PLEKHG1: variants seen among roughly 807,000 people sequenced by gnomAD.
The protein encoded by PLEKHG1 is pleckstrin homology and RhoGEF domain containing G1, also known as pleckstrin homology domain-containing family G member 1.
In PLEKHG1, 44 loss-of-function variants were observed where a neutral mutation model predicts 100.8. That is an observed-to-expected ratio of 0.44 (90% CI 0.34 to 0.56). PLEKHG1 has a LOEUF of 0.56. PLEKHG1 is among the 20% of genes least tolerant of loss of function. PLEKHG1 has a pLI of 0.01. For synonymous variants in PLEKHG1, 640 were observed against 662.5 expected (o/e 0.97, Z 0.52); for missense variants, 1,545 against 1,720.9 (o/e 0.90, Z 1.81).
At chr6:150,768,058 T>A (rs1784530800) in intron 2 of PLEKHG1, among the ~76,000 whole-genome samples, 1 of 152,224 alleles carries the variant, frequency 6.6e-6, no homozygotes, top group Non-Finnish European at 1.5e-5. Context: ...GTTTGGGAGC[T>A]GTTTCTATGT....
At chr6:150,668,956 C>T (rs1277232992) in intron 3 of PLEKHG1, among the ~76,000 whole-genome samples, 2 of 152,196 alleles carry the variant, frequency 1.3e-5, no homozygotes, top group Non-Finnish European at 2.9e-5. Context: ...ATCTGGCCGT[C>T]ATCTTTGCAT....
At chr6:150,707,007 T>G (rs1376502991) in intron 3 of PLEKHG1, among the ~76,000 whole-genome samples, 3 of 133,348 alleles carry the variant, frequency 2.2e-5, no homozygotes, top group African/African-American at 8.2e-5. Flanking sequence ...TCTTTTTTTT[T>G]TTTTTTTTTT....
At chr6:150,725,210 C>T (rs1562464061) in intron 1 of PLEKHG1, among the ~76,000 whole-genome samples, 1 of 152,122 alleles carries the variant, frequency 6.6e-6, no homozygotes, top group Non-Finnish European at 1.5e-5. Flanking sequence ...AGCAAACAAG[C>T]TCCCTCTGTC....
chr6:150,615,580 A>G (rs4870536), intron 1 of PLEKHG1, among the ~76,000 whole-genome samples: 22,406 of 152,258 alleles, frequency 0.15, 1,719 homozygotes, highest in East Asian at 0.22. Flanking sequence ...TTAAATTCTC[A>G]TAACAGAAAA....
intron 2 of PLEKHG1, among the ~76,000 whole-genome samples, chr6:150,748,660 C>T (rs1369974822): frequency 7.0e-6 from 1 of 143,558 alleles, no homozygotes; most frequent in Non-Finnish European, 1.5e-5. Context: ...GCTCTGTCAC[C>T]TAGGCTGGAG....
chr6:150,775,382 G>C lies in PLEKHG1; in HGVS notation c.512+6644G>C, dbSNP rs140267221. On this transcript the variant is annotated intron_variant, in intron 3 of 15. Coordinates refer to ENST00000358517, the Ensembl canonical transcript of PLEKHG1. ...AATGTCTGATTTTAGACATTCAATT[G>C]TTTCTTAGGAGATTAAAATCATCTA... 3.0e-4 allele frequency among the ~76,000 whole-genome samples: 45 copies of C among 152,268 alleles called. No individual in the cohort carries two copies. The East Asian group carries it at 7.7e-3, about 26-fold the overall frequency.
intron 3 of PLEKHG1, among the ~76,000 whole-genome samples, chr6:150,706,574 A>G (rs901690628): frequency 6.6e-6 from 1 of 150,488 alleles, no homozygotes; most frequent in African/African-American, 2.4e-5. Context: ...TAATCATGCC[A>G]CTTTGCTCCA....
intron 3 of PLEKHG1, among the ~76,000 whole-genome samples, chr6:150,691,649 T>C (rs1289999102): frequency 6.6e-6 from 1 of 152,236 alleles, no homozygotes; most frequent in East Asian, 1.9e-4. Context: ...AGATTTTTTC[T>C]AAACCACCAT....
chr6:150,733,133 G>A (rs1782358608), intron 1 of PLEKHG1, among the ~76,000 whole-genome samples: 1 of 152,148 alleles, frequency 6.6e-6, no homozygotes, highest in Non-Finnish European at 1.5e-5. Context: ...TAGGAATCAC[G>A]TCGGGTCCCT....
In PLEKHG1 at chr6:150,619,530, GAATT is replaced by G. The variant is rs1476064121; in HGVS notation, c.-203-18545_-203-18542del. On this transcript the variant is annotated intron_variant, in intron 1 of 3. Coordinates refer to the PLEKHG1 transcript ENST00000367326. ...ATGTTTTTCTGACACAGTTTCATCTGAATTAATTGAGTGTTGACTGCTTTATTCC... is the reference window on the plus strand; with the variant it reads ...ATGTTTTTCTGACACAGTTTCATCTGAATTGAGTGTTGACTGCTTTATTCC... 2.0e-5 allele frequency among the ~76,000 whole-genome samples: 3 copies of G among 152,260 alleles called. No homozygotes were observed. In the East Asian group the frequency reaches 5.8e-4, roughly 29 times the overall value.
At chr6:150,677,283 T>TACGCACACACACACACACACAC (rs756621195) in intron 3 of PLEKHG1, among the ~76,000 whole-genome samples, 5 of 134,138 alleles carry the variant, frequency 3.7e-5, no homozygotes, top group African/African-American at 1.3e-4. Flanking sequence ...TTTCTTCCCC[T>TACGCACACACACACACACACAC]ATACACACAC....
exon 16 of PLEKHG1, chr6:150,840,275 C>T: frequency 4.3e-6 from 7 of 1,614,208 alleles, no homozygotes; most frequent in Non-Finnish European, 5.9e-6. Flanking sequence ...AGCCTTATCA[C>T]AGGTCCCAGT....
chr6:150,684,115 A>G (rs1780030249), intron 3 of PLEKHG1, among the ~76,000 whole-genome samples: 1 of 152,208 alleles, frequency 6.6e-6, no homozygotes. Flanking sequence ...AGAAGCCCTC[A>G]GGCTAGTAAA....
At chr6:150,791,512 TA>T (rs1182154372) in intron 4 of PLEKHG1, among the ~76,000 whole-genome samples, 1 of 151,246 alleles carries the variant, frequency 6.6e-6, no homozygotes, top group Non-Finnish European at 1.5e-5. Context: ...AAAATAAAAA[TA>T]AAAAAATTAG....
chr6:150,835,527 C>T (rs1185184843), intron 15 of PLEKHG1, among the ~76,000 whole-genome samples: 1 of 152,092 alleles, frequency 6.6e-6, no homozygotes, highest in Non-Finnish European at 1.5e-5. Flanking sequence ...TCAAAAAAGG[C>T]AATAAACCAG....
chr6:150,794,536 G>A (rs1264929677), intron 4 of PLEKHG1, among the ~76,000 whole-genome samples: 5 of 152,100 alleles, frequency 3.3e-5, no homozygotes, highest in Non-Finnish European at 5.9e-5. Flanking sequence ...GTGTGATAGC[G>A]TACACCTGTA....
intron 3 of PLEKHG1, among the ~76,000 whole-genome samples, chr6:150,771,923 C>A (rs773640532): frequency 6.6e-6 from 1 of 152,096 alleles, no homozygotes; most frequent in Non-Finnish European, 1.5e-5. Flanking sequence ...AAGAGTCAGG[C>A]GTGGCTCATG....
intron 3 of PLEKHG1, among the ~76,000 whole-genome samples, chr6:150,714,847 C>T (rs1969000): frequency 0.46 from 69,207 of 150,586 alleles, 17,274 homozygotes; most frequent in Admixed American, 0.57. Context: ...CTCACTCTGT[C>T]GCCCAGGCTG....
chr6:150,733,608 TGCCATCA>T lies in PLEKHG1; in HGVS notation c.-71_-65del. Reference sequence around the variant, plus strand: ...GATGGGCACCAGTTGCGTCTTGAAGTGCCATCAGCTGTAACCAAAGTTCCACATCCCA... The same window carrying T: ...GATGGGCACCAGTTGCGTCTTGAAGTGCTGTAACCAAAGTTCCACATCCCA... On this transcript the variant is annotated 5_prime_UTR_variant, in exon 2 of 16. An upstream open reading frame in the 5' UTR loses its in-frame stop. Coordinates refer to ENST00000358517, the Ensembl canonical transcript of PLEKHG1. 2 of 1,612,844 alleles carry T rather than the reference TGCCATCA, an allele frequency of 1.2e-6. No homozygotes were observed. Among genetic ancestry groups the T allele is most frequent in the Non-Finnish European group, 1.7e-6 (2 of 1,179,428 alleles).
Sources: gnomAD v4.1 joint callset for allele counts (sites outside exome capture counted in the v4.1 genomes callset) on GRCh38, gnomAD v4.1.1 for gene constraint, MANE v1.5 for transcripts, NCBI Gene and HGNC (gene_info 2026-07-23, HGNC 2026-07-21) for gene names.